SNIP1: variants seen among roughly 807,000 people sequenced by gnomAD.
SNIP1 encodes smad nuclear-interacting protein 1.
SNIP1 carries 23 observed loss-of-function variants against 37.4 expected under a neutral mutation model. The observed-to-expected ratio is 0.61, with a 90% CI of 0.44 to 0.87. The LOEUF (loss-of-function observed/expected upper bound fraction) is 0.87. SNIP1 is among the 40% of genes least tolerant of loss of function. SNIP1 has a pLI of 0.00. For synonymous variants in SNIP1, 174 were observed against 200.0 expected (o/e 0.87, Z 1.10); for missense variants, 459 against 540.4 (o/e 0.85, Z 1.49).
chr1:37,552,794 C>G (rs1445789039), intron 1 of SNIP1, 47 bp from the exon 2 acceptor site: 2 of 1,517,880 alleles, frequency 1.3e-6, no homozygotes, highest in South Asian at 2.2e-5. Context: ...TTCCCTTCCC[C>G]CATAAAAATT....
intron 1 of SNIP1, 99 bp from the exon 2 acceptor site, chr1:37,552,846 T>C (rs1336960606): frequency 2.2e-6 from 2 of 923,262 alleles, no homozygotes; most frequent in African/African-American, 3.3e-5. Context: ...AAACACCGCA[T>C]TTGTGAAGGT....
Position 37,537,764 on chromosome 1 carries a change from T to A in SNIP1, c.1175A>T (p.Glu392Val), listed in dbSNP as rs1268794923. 35 of 1,613,386 alleles carry A rather than the reference T, an allele frequency of 2.2e-5. No homozygotes were observed. The highest frequency in any genetic ancestry group is 2.6e-5 in the Non-Finnish European group (31 of 1,179,728). The change falls in exon 4 of 4, where the codon GAA (glutamate) becomes GTA (valine). Residue 392 changes from glutamate to valine, a missense_variant. Transcript: ENST00000296215. ...CTTAGTTTGCTAGCTGTCAGACACT[T>A]CTTCCTCCTCCTCCTCATCCTCGTC... The part of the protein sequence containing the change: ...KDDEDEEEEE[E>V]VSDS
At chr1:37,545,854 C>G (rs1286608783) in intron 2 of SNIP1, among the ~76,000 whole-genome samples, 2 of 151,994 alleles carry the variant, frequency 1.3e-5, no homozygotes, top group East Asian at 3.9e-4. Flanking sequence ...TGACTCCACA[C>G]CCATTAGGAT....
chr1:37,549,145 T>C (rs911480495), intron 2 of SNIP1, among the ~76,000 whole-genome samples: 2 of 150,730 alleles, frequency 1.3e-5, no homozygotes, highest in African/African-American at 4.9e-5. Context: ...GGATATAGGA[T>C]GAAGATAAAC....
rs547679366 is a variant in SNIP1, at chr1:37,534,896, G to A, written c.*2852C>T. On this transcript the variant is annotated 3_prime_UTR_variant, in exon 4 of 4. Coordinates refer to ENST00000296215, the MANE Select transcript of SNIP1 (RefSeq NM_024700.4). ...GCCCAGCCACCGTGGAGAAAAGATA[G>A]AGAATGAAGAAGTTCCAAATGGCTA... The A allele has an allele frequency of 2.6e-5, 4 of 152,164 alleles. No homozygotes were observed. Among genetic ancestry groups the A allele is most frequent in the Non-Finnish European group, 5.9e-5 (4 of 67,990 alleles). 9.4% of individuals were successfully genotyped at this position (152,164 alleles called of 1,614,324 possible).
At chr1:37,543,449 G>A (rs570030329) in intron 2 of SNIP1, among the ~76,000 whole-genome samples, 5 of 152,040 alleles carry the variant, frequency 3.3e-5, no homozygotes, top group Admixed American at 1.3e-4. Flanking sequence ...ATGGTAGAAT[G>A]GTTAAATTAT....
At chr1:37,552,825 CCTA>C in intron 1 of SNIP1, 78 bp from the exon 2 acceptor site, 1 of 1,129,862 alleles carries the variant, frequency 8.9e-7, no homozygotes, top group Middle Eastern at 2.0e-4. Flanking sequence ...ATCAGGCTTA[CCTA>C]CTAACACAAA....
intron 2 of SNIP1, among the ~76,000 whole-genome samples, chr1:37,544,446 C>CAAAAAAAAA (rs11374263): frequency 5.3e-5 from 5 of 94,084 alleles, no homozygotes; most frequent in Non-Finnish European, 1.0e-4. Context: ...GACTCTGTCT[C>CAAAAAAAAA]AAAAAAAAAA....
In SNIP1 at chr1:37,534,460, A is replaced by G. The variant is rs1159884073; in HGVS notation, c.*3288T>C. ...CCCAAGAGACCAAATGAAGCTTTAC[A>G]TTCCAAAACTTTAATGTCAATTAAG... On this transcript the variant is annotated 3_prime_UTR_variant, in exon 4 of 4. Coordinates refer to ENST00000296215, the MANE Select transcript of SNIP1 (RefSeq NM_024700.4). The G allele has an allele frequency of 2.0e-5, 3 of 152,242 alleles. No individual in the cohort carries two copies. The highest frequency in any genetic ancestry group is 2.0e-4 in the Admixed American group (3 of 15,274). 9.4% of individuals were successfully genotyped at this position (152,242 alleles called of 1,614,324 possible). A position where few individuals can be genotyped will look rare whatever the true frequency, so the allele number is the denominator to read the frequency against.
chr1:37,538,507 T>TG (rs1643127151), intron 3 of SNIP1, among the ~76,000 whole-genome samples: 1 of 37,078 alleles, frequency 2.7e-5, no homozygotes, highest in Admixed American at 4.8e-4. Flanking sequence ...AGACTCTGTC[T>TG]CAAAAAAAAA....
Position 37,537,696 on chromosome 1 carries a change from C to A in SNIP1, c.*52G>T, listed in dbSNP as rs1643115296. On this transcript the variant is annotated 3_prime_UTR_variant, in exon 4 of 4. Transcript: ENST00000296215. ...CCACCATAGTGCTCTCTGAGTCAAT[C>A]AAAGACTTCCAAGAAGGAAACCGTG... 1.9e-6 allele frequency: 3 copies of A among 1,576,156 alleles called. No individual in the cohort carries two copies. Among genetic ancestry groups the A allele is most frequent in the Admixed American group, 1.8e-5 (1 of 57,054 alleles).
Position 37,535,241 on chromosome 1 carries a change from A to ATATATAAAG in SNIP1, c.*2506_*2507insCTTTATATA, listed in dbSNP as rs1643076458. 6.8e-5 allele frequency: 1 copy of ATATATAAAG among 14,764 alleles called. No individual in the cohort carries two copies. The highest frequency in any genetic ancestry group is 2.7e-3 in the East Asian group (1 of 376). 0.9% of individuals were successfully genotyped at this position (14,764 alleles called of 1,614,324 possible). On this transcript the variant is annotated 3_prime_UTR_variant, in exon 4 of 4. Transcript: ENST00000296215. ...ATAAAAAATAAAAATTATATATATA[A>ATATATAAAG]ATTAGCCAGGCTTGGTGACAGGTGC...
chr1:37,539,411 AAAAC>A (rs1038283750), intron 3 of SNIP1, among the ~76,000 whole-genome samples: 18 of 152,178 alleles, frequency 1.2e-4, no homozygotes, highest in Admixed American at 2.0e-4. Flanking sequence ...ACCATGTTAA[AAAAC>A]AAACAAACAA....
chr1:37,550,906 C>T (rs757416335), intron 2 of SNIP1, among the ~76,000 whole-genome samples: 19 of 151,778 alleles, frequency 1.3e-4, no homozygotes, highest in Non-Finnish European at 2.8e-4. Flanking sequence ...CCAGCCTGGC[C>T]AACATAGTGA....
chr1:37,551,693 A>G (rs1643303915), intron 2 of SNIP1, among the ~76,000 whole-genome samples: 1 of 152,138 alleles, frequency 6.6e-6, no homozygotes, highest in African/African-American at 2.4e-5. Context: ...ACCTGCTAAC[A>G]CCCTAATTTT....
At chr1:37,543,404 T>A (rs536677811) in intron 2 of SNIP1, among the ~76,000 whole-genome samples, 10 of 149,010 alleles carry the variant, frequency 6.7e-5, no homozygotes, top group East Asian at 1.9e-4. Context: ...TTTCGTAATT[T>A]AAAAAAAAAA....
At chr1:37,545,573 G>T (rs1218515128) in intron 2 of SNIP1, among the ~76,000 whole-genome samples, 1 of 151,034 alleles carries the variant, frequency 6.6e-6, no homozygotes, top group Admixed American at 6.6e-5. Flanking sequence ...GCAGAGAGCA[G>T]TAAGAGACTT....
At chr1:37,541,036 G>A (rs1643168733) in intron 2 of SNIP1, 2 of 310,704 alleles carry the variant, frequency 6.4e-6, no homozygotes, top group Non-Finnish European at 1.2e-5. Context: ...GAAAGGAGAA[G>A]GAAAAATAAT....
Position 37,540,937 on chromosome 1 carries a change from A to G in SNIP1, c.328-182T>C. 1 of 581,670 alleles carries G rather than the reference A, an allele frequency of 1.7e-6. No individual in the cohort carries two copies. The highest frequency in any genetic ancestry group is 3.0e-6 in the Non-Finnish European group (1 of 335,132). 36.0% of individuals were successfully genotyped at this position (581,670 alleles called of 1,614,324 possible). ...GGTTATGTTCCCTCGCAAGGCCACA[A>G]AGATGATATCCCATGCTGCTATTCA... On this transcript the variant is annotated intron_variant, in intron 2 of 3. Coordinates refer to ENST00000296215, the MANE Select transcript of SNIP1 (RefSeq NM_024700.4). This position sits in a 1 kb window ranked among gnomAD's most constrained non-coding sequence, Gnocchi z 5.6.
Sources: allele counts gnomAD v4.1 joint callset (sites outside exome capture counted in the v4.1 genomes callset), GRCh38; gene constraint gnomAD v4.1.1; non-coding constraint Gnocchi (gnomAD v3.1); transcripts MANE v1.5; gene names NCBI Gene and HGNC (gene_info 2026-07-23, HGNC 2026-07-21).